NCALD: variants seen among roughly 807,000 people sequenced by gnomAD.
NCALD encodes neurocalcin delta.
In NCALD, 10 loss-of-function variants were observed where a neutral mutation model predicts 18.6. The observed-to-expected ratio is 0.54, with a 90% CI of 0.33 to 0.91. The LOEUF (loss-of-function observed/expected upper bound fraction) is 0.91, where lower values mean the gene tolerates loss of function less well. NCALD is among the 40% of genes least tolerant of loss of function. The probability of loss-of-function intolerance (pLI) is 0.03; values close to 1 mark genes in which losing one functional copy is unlikely to be tolerated. For missense variants in NCALD, 184 were observed against 247.6 expected (o/e 0.74, Z 1.72); for synonymous variants, 88 against 87.4 (o/e 1.01, Z -0.04).
intron 4 of NCALD, among the ~76,000 whole-genome samples, chr8:101,838,830 G>A (rs564209435): frequency 9.2e-5 from 14 of 152,316 alleles, no homozygotes; most frequent in African/African-American, 3.4e-4. Context: ...TAATATCAGA[G>A]GTCAGTATCA....
At chr8:101,941,757 T>G (rs909194151) in intron 2 of NCALD, among the ~76,000 whole-genome samples, 1 of 152,158 alleles carries the variant, frequency 6.6e-6, no homozygotes, top group Non-Finnish European at 1.5e-5. Context: ...AAAAGCACCA[T>G]CAGTCTTAAC....
chr8:101,694,743 C>A (rs891552159), intron 2 of NCALD, among the ~76,000 whole-genome samples: 1 of 152,090 alleles, frequency 6.6e-6, no homozygotes, highest in African/African-American at 2.4e-5. Context: ...TGCTGTCATC[C>A]CAGCCCAGGT....
intron 4 of NCALD, among the ~76,000 whole-genome samples, chr8:101,808,027 A>T (rs1188438548): frequency 6.6e-6 from 1 of 152,188 alleles, no homozygotes; most frequent in Non-Finnish European, 1.5e-5. Flanking sequence ...TAAAAGTAAT[A>T]ACTCCTTAGA....
chr8:102,000,570 T>C (rs199924298), intron 2 of NCALD, among the ~76,000 whole-genome samples: 4 of 152,174 alleles, frequency 2.6e-5, no homozygotes, highest in African/African-American at 9.6e-5. Context: ...TGAGAATGGA[T>C]AGACTGCCTC....
At chr8:102,096,200 T>G (rs1041500460) in intron 1 of NCALD, among the ~76,000 whole-genome samples, 1 of 152,076 alleles carries the variant, frequency 6.6e-6, no homozygotes, top group African/African-American at 2.4e-5. Context: ...CAAAGATCAG[T>G]TTTCAAGAGC....
At chr8:101,903,348 C>T (rs947561023) in intron 3 of NCALD, among the ~76,000 whole-genome samples, 1 of 151,990 alleles carries the variant, frequency 6.6e-6, no homozygotes, top group African/African-American at 2.4e-5. Flanking sequence ...AAGTGTGTGC[C>T]ACCATGCCCA....
chr8:101,697,469 A>G (rs1815054236), intron 2 of NCALD, among the ~76,000 whole-genome samples: 1 of 152,214 alleles, frequency 6.6e-6, no homozygotes, highest in African/African-American at 2.4e-5. Flanking sequence ...TTTTGATACC[A>G]ATGCCTGGCA....
chr8:102,106,198 T>G (rs956701645), intron 1 of NCALD, among the ~76,000 whole-genome samples: 1 of 151,762 alleles, frequency 6.6e-6, no homozygotes, highest in African/African-American at 2.4e-5. Context: ...GCCTCCCAAG[T>G]AGCTGGAATT....
At chr8:102,115,091 T>A (rs1225546530) in intron 1 of NCALD, among the ~76,000 whole-genome samples, 1 of 152,146 alleles carries the variant, frequency 6.6e-6, no homozygotes, top group African/African-American at 2.4e-5. Context: ...TTAATTTTTT[T>A]AAACAAAGTT....
intron 1 of NCALD, among the ~76,000 whole-genome samples, chr8:102,097,274 A>T (rs1456711417): frequency 6.6e-6 from 1 of 152,210 alleles, no homozygotes; most frequent in Non-Finnish European, 1.5e-5. Context: ...AAGACAAAGA[A>T]TCAGTTCATT....
In NCALD at chr8:101,716,187, G is replaced by C. The variant is rs191366182; in HGVS notation, c.378+3065C>G. Among the ~76,000 whole-genome samples, 641 of 152,220 alleles carry C rather than the reference G, an allele frequency of 4.2e-3. 2 individuals are homozygous for C. Among genetic ancestry groups the C allele is most frequent in the Middle Eastern group, 0.014 (4 of 294 alleles). ...CTTTGCTGGGACATGGATGAAGCTG[G>C]ATACCATCATTCTCAGCAAACTAAC... On this transcript the variant is annotated intron_variant, in intron 2 of 3. Coordinates refer to ENST00000220931, the MANE Select transcript of NCALD (RefSeq NM_032041.3).
intron 4 of NCALD, among the ~76,000 whole-genome samples, chr8:101,808,399 C>T (rs1375795380): frequency 6.6e-6 from 1 of 152,190 alleles, no homozygotes; most frequent in Non-Finnish European, 1.5e-5. Context: ...ATACTATGTT[C>T]ACATGGCTGC....
chr8:102,117,613 C>CA (rs35595637), intron 1 of NCALD, among the ~76,000 whole-genome samples: 31,240 of 118,676 alleles, frequency 0.26, 4,283 homozygotes, highest in African/African-American at 0.44. Flanking sequence ...ACTTTCAACT[C>CA]AAAAAAAAAA....
At chr8:101,707,044 A>G (rs1815561063) in intron 2 of NCALD, among the ~76,000 whole-genome samples, 1 of 152,200 alleles carries the variant, frequency 6.6e-6, no homozygotes, top group East Asian at 1.9e-4. Context: ...GCCCATGCTC[A>G]TAATTGAGAA....
At chr8:101,787,168 T>C (rs1812259634) in intron 1 of NCALD, among the ~76,000 whole-genome samples, 2 of 152,192 alleles carry the variant, frequency 1.3e-5, no homozygotes, top group African/African-American at 4.8e-5. Context: ...TAATGGCACA[T>C]TCCTTTTTGA....
chr8:101,767,904 T>C (rs771290591), intron 1 of NCALD, among the ~76,000 whole-genome samples: 3 of 152,230 alleles, frequency 2.0e-5, no homozygotes, highest in Non-Finnish European at 4.4e-5. Flanking sequence ...AGAGTAGGCC[T>C]GTTGAACTAC....
At chr8:101,732,514 T>C (rs996992040) in intron 1 of NCALD, among the ~76,000 whole-genome samples, 8 of 151,486 alleles carry the variant, frequency 5.3e-5, no homozygotes, top group African/African-American at 1.9e-4. Flanking sequence ...TTTGTAAAAA[T>C]AGTATCCTAC....
intron 1 of NCALD, among the ~76,000 whole-genome samples, chr8:102,025,029 GA>G (rs1822404450): frequency 6.6e-6 from 1 of 152,110 alleles, no homozygotes; most frequent in South Asian, 2.1e-4. Flanking sequence ...TCTTTTTCAA[GA>G]GGAAAACTTC....
rs1401086966 is a variant in NCALD, at chr8:101,986,863, A to G, written c.-157+33374T>C. On this transcript the variant is annotated intron_variant, in intron 2 of 6. Transcript: ENST00000311028. ...TTAAGGAAAGAATTGCTAATTAGGT[A>G]ATTTTGAGCTTGAGCCAGCCAGCTG... Among the ~76,000 whole-genome samples, 6 of 151,542 alleles carry G rather than the reference A, an allele frequency of 4.0e-5. No individual in the cohort carries two copies. In the Admixed American group the frequency reaches 4.0e-4, roughly 10 times the overall value.
Sources: allele counts gnomAD v4.1 joint callset (sites outside exome capture counted in the v4.1 genomes callset), GRCh38; gene constraint gnomAD v4.1.1; transcripts MANE v1.5; gene names NCBI Gene and HGNC (gene_info 2026-07-23, HGNC 2026-07-21).